Variants in GABBR2 observed in about 807,000 individuals in gnomAD.
GABBR2 encodes the protein G-protein coupled receptor 51.
In GABBR2, 23 loss-of-function variants were observed where a neutral mutation model predicts 105.6. That is an observed-to-expected ratio of 0.22 (90% CI 0.16 to 0.31). GABBR2 has a LOEUF of 0.31. GABBR2 is among the 10% of genes least tolerant of loss of function. GABBR2 has a pLI of 1.00. For synonymous variants in GABBR2, 478 were observed against 499.7 expected (o/e 0.96, Z 0.58); for missense variants, 734 against 1,245.5 (o/e 0.59, Z 6.18).
intron 1 of GABBR2, among the ~76,000 whole-genome samples, chr9:98,641,724 A>G (rs375540673): frequency 6.6e-6 from 1 of 152,122 alleles, no homozygotes; most frequent in East Asian, 1.9e-4. Flanking sequence ...TCATGTTTCT[A>G]TGTTGGTTTC....
rs144394119 is a variant in GABBR2 at position 98,463,603 on chromosome 9, G to C, written c.1000-9386C>G. ...CCTCTCCCTCGCCCTCTCGCTCTCC[G>C]TCTCGCTCTCGCTCTCGCTCTCCGT... On this transcript the variant is annotated intron_variant, in intron 6 of 18. Coordinates refer to ENST00000259455, the MANE Select transcript of GABBR2 (RefSeq NM_005458.8). Among the ~76,000 whole-genome samples the C allele has an allele frequency of 1.5e-4, 6 of 40,778 alleles. No homozygotes were observed. In the South Asian group the frequency reaches 3.4e-3, roughly 23 times the overall value. The allele number at this position is 40,778 out of a possible 152,430, so 26.8% of individuals were successfully genotyped here.
In GABBR2 at chr9:98,708,802, C is replaced by T. The variant is rs1254853320; in HGVS notation, c.-65G>A. 9.5e-6 allele frequency: 9 copies of T among 949,260 alleles called. No homozygotes were observed. The highest frequency in any genetic ancestry group is 1.8e-5 in the African/African-American group (1 of 56,060). The allele number at this position is 949,260 out of a possible 1,614,324, so 58.8% of individuals were successfully genotyped here. On this transcript the variant is annotated 5_prime_UTR_variant, in exon 1 of 19. Coordinates refer to ENST00000259455, the MANE Select transcript of GABBR2 (RefSeq NM_005458.8). ...CATGGCCTGGCCCGGCCCGCCGCCC[C>T]GCGCCAAGGTCTTCCCGCGGCGCCC...
intron 1 of GABBR2, among the ~76,000 whole-genome samples, chr9:98,656,012 A>C (rs536519231): frequency 6.6e-6 from 1 of 152,332 alleles, no homozygotes; most frequent in Non-Finnish European, 1.5e-5. Context: ...ACTTTACCCT[A>C]GCTAACGCAA....
At chr9:98,666,972 C>A (rs1830343952) in intron 1 of GABBR2, among the ~76,000 whole-genome samples, 1 of 152,078 alleles carries the variant, frequency 6.6e-6, no homozygotes, top group Non-Finnish European at 1.5e-5. Flanking sequence ...CCCAGGTGAT[C>A]CACTGGGATA....
At chr9:98,315,008 A>G (rs1830691792) in intron 13 of GABBR2, among the ~76,000 whole-genome samples, 2 of 152,178 alleles carry the variant, frequency 1.3e-5, no homozygotes, top group Admixed American at 1.3e-4. Flanking sequence ...ACCAAGACCC[A>G]TCAGGTAGTT....
intron 3 of GABBR2, among the ~76,000 whole-genome samples, chr9:98,523,261 A>G (rs2131715985): frequency 6.6e-6 from 1 of 152,368 alleles, no homozygotes; most frequent in Non-Finnish European, 1.5e-5. Flanking sequence ...AAGAAAATAA[A>G]TTAAGAAGTA....
At chr9:98,398,669 C>T (rs951175980) in intron 8 of GABBR2, among the ~76,000 whole-genome samples, 1 of 152,168 alleles carries the variant, frequency 6.6e-6, no homozygotes, top group African/African-American at 2.4e-5. Context: ...CAACTCTGCT[C>T]TTCCCCAGGA....
chr9:98,386,997 T>C (rs1174462521), intron 10 of GABBR2, among the ~76,000 whole-genome samples: 1 of 152,148 alleles, frequency 6.6e-6, no homozygotes, highest in East Asian at 1.9e-4. Flanking sequence ...GAAGCTGAGA[T>C]GACGCTGGGT....
At chr9:98,644,025 T>C (rs1354650920) in intron 1 of GABBR2, among the ~76,000 whole-genome samples, 2 of 152,226 alleles carry the variant, frequency 1.3e-5, no homozygotes, top group African/African-American at 4.8e-5. Context: ...TAGCTAGAAC[T>C]GAGTTTCTGT....
rs1830278893 is a variant in GABBR2, at chr9:98,290,278, T to TTTTTTTG, written c.*305_*306insCAAAAAA. The TTTTTTTG allele has an allele frequency of 7.2e-6, 1 of 139,534 alleles. No individual in the cohort carries two copies. The highest frequency in any genetic ancestry group is 7.2e-5 in the Admixed American group (1 of 13,972). 8.6% of individuals were successfully genotyped at this position (139,534 alleles called of 1,614,324 possible). A position where few individuals can be genotyped will look rare whatever the true frequency, so the allele number is the denominator to read the frequency against. ...CTTGTCTAGTTTTTTTGTTTTTTTT[T>TTTTTTTG]TTTTTTTTTTTTTTTTGCAAGTTTG... On this transcript the variant is annotated 3_prime_UTR_variant, in exon 19 of 19. Coordinates refer to ENST00000259455, the MANE Select transcript of GABBR2 (RefSeq NM_005458.8).
At position 98,585,581 on chromosome 9, in the gene GABBR2, C is replaced by T. The variant is rs186646434; in HGVS notation, c.322-7509G>A. On this transcript the variant is annotated intron_variant, in intron 1 of 18. Coordinates refer to ENST00000259455, the MANE Select transcript of GABBR2 (RefSeq NM_005458.8). ...GGGTGCAGCACACCAACATGGCACA[C>T]GTATACATATGTAACAAACCTGCAC... 3.4e-3 allele frequency among the ~76,000 whole-genome samples: 512 copies of T among 151,590 alleles called. 2 individuals are homozygous for T. Among genetic ancestry groups the T allele is most frequent in the African/African-American group, 0.01 (415 of 41,296 alleles).
intron 1 of GABBR2, among the ~76,000 whole-genome samples, chr9:98,636,850 A>G (rs1453588267): frequency 6.6e-6 from 1 of 152,124 alleles, no homozygotes; most frequent in Non-Finnish European, 1.5e-5. Context: ...CTTTGGGCCA[A>G]TCTCCCAACC....
intron 1 of GABBR2, among the ~76,000 whole-genome samples, chr9:98,610,226 C>T (rs1829486157): frequency 6.6e-6 from 1 of 152,224 alleles, no homozygotes; most frequent in Non-Finnish European, 1.5e-5. Context: ...GCCCATTTAA[C>T]CTCTCTGAGC....
intron 1 of GABBR2, among the ~76,000 whole-genome samples, chr9:98,620,268 T>TCTCTCC (rs1829650658): frequency 6.6e-6 from 1 of 150,432 alleles, no homozygotes; most frequent in Non-Finnish European, 1.5e-5. Context: ...TCTCTCTCTC[T>TCTCTCC]CCCCGCTCCC....
intron 7 of GABBR2, among the ~76,000 whole-genome samples, chr9:98,410,490 T>C (rs891184352): frequency 1.3e-5 from 2 of 149,630 alleles, no homozygotes; most frequent in Non-Finnish European, 3.0e-5. Flanking sequence ...CGCATAAGCA[T>C]GCATGAGGGA....
rs76056197 is a variant in GABBR2 at position 98,564,962 on chromosome 9, C to G, written c.459+12973G>C. 6.6e-3 allele frequency among the ~76,000 whole-genome samples: 999 copies of G among 152,214 alleles called. 13 individuals carry two copies. The highest frequency in any genetic ancestry group is 0.021 in the African/African-American group (867 of 41,498). On this transcript the variant is annotated intron_variant, in intron 2 of 18. Transcript: ENST00000259455. ...ACTAAATATCAGGAAATACAGAGGA[C>G]TGAGCCGGGGAGGAGGGGGAGCAGA...
At chr9:98,419,789 A>C (rs993679608) in intron 7 of GABBR2, among the ~76,000 whole-genome samples, 12 of 152,096 alleles carry the variant, frequency 7.9e-5, no homozygotes, top group African/African-American at 2.7e-4. Context: ...ATAGAGGAGG[A>C]GGCTGCATAT....
At chr9:98,441,315 TAATA>T (rs1390393912) in intron 7 of GABBR2, among the ~76,000 whole-genome samples, 3 of 152,222 alleles carry the variant, frequency 2.0e-5, no homozygotes, top group African/African-American at 4.8e-5. Flanking sequence ...AGCTCTCCCA[TAATA>T]AATAACCCAT....
intron 1 of GABBR2, among the ~76,000 whole-genome samples, chr9:98,639,591 C>T (rs1033628577): frequency 4.2e-5 from 6 of 141,264 alleles, no homozygotes; most frequent in South Asian, 4.4e-4. Flanking sequence ...TTCTCACACA[C>T]GCATAGACAA....
Sources: gnomAD v4.1 joint callset for allele counts (sites outside exome capture counted in the v4.1 genomes callset) on GRCh38, gnomAD v4.1.1 for gene constraint, MANE v1.5 for transcripts, NCBI Gene and HGNC (gene_info 2026-07-23, HGNC 2026-07-21) for gene names.